ATP11A: variants seen among roughly 807,000 people sequenced by gnomAD.
ATP11A encodes the protein phospholipid-transporting ATPase IH.
A neutral mutation model predicts 154.4 loss-of-function variants in ATP11A; 81 were observed. The observed-to-expected ratio is 0.52, with a 90% CI of 0.44 to 0.63. ATP11A has a LOEUF of 0.63. ATP11A is among the 30% of genes least tolerant of loss of function. The probability of loss-of-function intolerance (pLI) is 0.00; values close to 1 mark genes in which losing one functional copy is unlikely to be tolerated. For synonymous variants in ATP11A, 623 were observed against 585.9 expected (o/e 1.06, Z -0.91); for missense variants, 1,316 against 1,474.3 (o/e 0.89, Z 1.76).
intron 1 of ATP11A, among the ~76,000 whole-genome samples, chr13:112,781,362 C>T (rs188696762): frequency 6.6e-6 from 1 of 152,062 alleles, no homozygotes; most frequent in African/African-American, 2.4e-5. Context: ...TGTCTATGTC[C>T]CCGTTTATGC....
At chr13:112,831,219 C>T (rs533137968) in intron 12 of ATP11A, among the ~76,000 whole-genome samples, 156 bp from the exon 13 acceptor site, 1 of 152,154 alleles carries the variant, frequency 6.6e-6, no homozygotes. Flanking sequence ...ATGGCTCAGC[C>T]CAGTGAGGGG....
At chr13:112,850,675 A>G (rs2079738848) in intron 17 of ATP11A, among the ~76,000 whole-genome samples, 1 of 152,236 alleles carries the variant, frequency 6.6e-6, no homozygotes, top group African/African-American at 2.4e-5. Flanking sequence ...CTTAAAAAAA[A>G]AAGGTTAAAT....
chr13:112,851,909 G>C (rs2079778576), intron 18 of ATP11A: 1 of 152,166 alleles, frequency 6.6e-6, no homozygotes, highest in Non-Finnish European at 1.5e-5. Flanking sequence ...TTACTTCTTA[G>C]ATCATTACAT....
chr13:112,747,483 CAG>C (rs1491081063), intron 1 of ATP11A: 6 of 151,822 alleles, frequency 4.0e-5, no homozygotes, highest in Non-Finnish European at 5.9e-5. Context: ...TTCAAAGAAA[CAG>C]AGAGTGCATT....
intron 1 of ATP11A, among the ~76,000 whole-genome samples, chr13:112,758,002 T>C (rs546260347): frequency 7.2e-5 from 11 of 152,286 alleles, no homozygotes; most frequent in African/African-American, 2.6e-4. Flanking sequence ...CATGCACGAG[T>C]GCGGGACACA....
At chr13:112,780,341 G>A (rs2077467432) in intron 1 of ATP11A, among the ~76,000 whole-genome samples, 2 of 151,992 alleles carry the variant, frequency 1.3e-5, no homozygotes, top group Admixed American at 1.3e-4. Context: ...TTTCACCCCC[G>A]GGCAGGGGCC....
intron 7 of ATP11A, among the ~76,000 whole-genome samples, 198 bp downstream of exon 7, chr13:112,819,605 A>C (rs17121720): frequency 0.12 from 18,507 of 152,236 alleles, 1,337 homozygotes; most frequent in Admixed American, 0.17. Flanking sequence ...GTAGCTTTTT[A>C]TACAAATATT....
intron 2 of ATP11A, among the ~76,000 whole-genome samples, chr13:112,801,725 C>A (rs2078138900): frequency 6.6e-6 from 1 of 152,172 alleles, no homozygotes; most frequent in African/African-American, 2.4e-5. Flanking sequence ...ATAAATCTAA[C>A]AAGATATGTA....
At chr13:112,861,378 T>G (rs1015232317) in intron 24 of ATP11A, among the ~76,000 whole-genome samples, 1 of 152,254 alleles carries the variant, frequency 6.6e-6, no homozygotes, top group Non-Finnish European at 1.5e-5. Context: ...CCTGATCCCA[T>G]GTCCCTTAGT....
At chr13:112,837,377 A>G (rs2079265029) in intron 16 of ATP11A, among the ~76,000 whole-genome samples, 1 of 152,198 alleles carries the variant, frequency 6.6e-6, no homozygotes, top group Non-Finnish European at 1.5e-5. Context: ...CCTCAGCCCC[A>G]TAGCAGCGTG....
At chr13:112,733,618 C>T (rs1051844584) in intron 1 of ATP11A, among the ~76,000 whole-genome samples, 2 of 152,046 alleles carry the variant, frequency 1.3e-5, no homozygotes, top group Admixed American at 1.3e-4. Context: ...CGAGGTAGGC[C>T]CACATTATCA....
At chr13:112,787,368 T>C (rs71446637) in intron 2 of ATP11A, among the ~76,000 whole-genome samples, 22 of 113,548 alleles carry the variant, frequency 1.9e-4, no homozygotes, top group South Asian at 2.9e-4. Flanking sequence ...ATGCGTAGAC[T>C]CCTGTGGAGA....
chr13:112,720,838 G>A (rs1889083631), intron 1 of ATP11A, among the ~76,000 whole-genome samples: 2 of 152,294 alleles, frequency 1.3e-5, no homozygotes, highest in South Asian at 2.1e-4. Flanking sequence ...TTAGTCTTCC[G>A]TGATGTCTAC....
In ATP11A at chr13:112,754,923, G is replaced by A. The variant is rs558443854; in HGVS notation, c.40-30212G>A. Among the ~76,000 whole-genome samples the A allele has an allele frequency of 6.6e-6, 1 of 152,290 alleles. No homozygotes were observed. Among genetic ancestry groups the A allele is most frequent in the East Asian group, 1.9e-4 (1 of 5,176 alleles). ...TAGACACCCTGCACTTGCCCCTCCCGAGCGCGTGTGCCTGACCTGCTCCGC... is the reference window on the plus strand; with the variant it reads ...TAGACACCCTGCACTTGCCCCTCCCAAGCGCGTGTGCCTGACCTGCTCCGC... On this transcript the variant is annotated intron_variant, in intron 1 of 29. Transcript: ENST00000375645. This position sits in a 1 kb window ranked among gnomAD's most constrained non-coding sequence, Gnocchi z 5.3.
intron 1 of ATP11A, among the ~76,000 whole-genome samples, chr13:112,691,896 GACTT>G (rs1403511439): frequency 2.6e-5 from 4 of 152,102 alleles, no homozygotes; most frequent in Non-Finnish European, 5.9e-5. Flanking sequence ...AGGTCAGCCT[GACTT>G]ACTTAAGTGG....
intron 17 of ATP11A, among the ~76,000 whole-genome samples, chr13:112,844,406 C>T (rs558200166): frequency 3.3e-5 from 5 of 152,202 alleles, no homozygotes; most frequent in Admixed American, 6.5e-5. Flanking sequence ...CATTGACACA[C>T]GAACACACAG....
At chr13:112,873,308 A>G (rs201358438) in intron 26 of ATP11A, 396 of 175,194 alleles carry the variant, frequency 2.3e-3, no homozygotes, top group African/African-American at 0.018. Flanking sequence ...CTTCCTGAAC[A>G]GTGTGAGGTG....
At chr13:112,742,845 C>T (rs964362921) in intron 1 of ATP11A, among the ~76,000 whole-genome samples, 3 of 152,192 alleles carry the variant, frequency 2.0e-5, no homozygotes, top group Admixed American at 6.5e-5. Context: ...AGGTAGACAC[C>T]TGTTTTTCCA....
At chr13:112,796,535 G>A (rs1394582577) in intron 2 of ATP11A, among the ~76,000 whole-genome samples, 3 of 152,192 alleles carry the variant, frequency 2.0e-5, no homozygotes, top group African/African-American at 7.2e-5. Flanking sequence ...GAAAAGGCAA[G>A]AAAAGTTTCT....
Sources: allele counts gnomAD v4.1 joint callset (sites outside exome capture counted in the v4.1 genomes callset), GRCh38; gene constraint gnomAD v4.1.1; non-coding constraint Gnocchi (gnomAD v3.1); transcripts MANE v1.5; gene names NCBI Gene and HGNC (gene_info 2026-07-23, HGNC 2026-07-21).